ABCC5: variants seen among roughly 807,000 people sequenced by gnomAD.
ABCC5 encodes ATP binding cassette subfamily C member 5, also known as ATP-binding cassette sub-family C member 5.
In ABCC5, 61 loss-of-function variants were observed where a neutral mutation model predicts 160.9. The observed-to-expected ratio is 0.38, with a 90% CI of 0.31 to 0.47. ABCC5 has a LOEUF of 0.47. Among genes scored for constraint, ABCC5 ranks in the 20% least tolerant of loss-of-function variants. ABCC5 has a pLI of 0.99. For synonymous variants in ABCC5, 666 were observed against 700.6 expected (o/e 0.95, Z 0.78); for missense variants, 1,308 against 1,813.3 (o/e 0.72, Z 5.06).
intron 1 of ABCC5, among the ~76,000 whole-genome samples, chr3:184,016,345 C>A (rs1208484500): frequency 6.6e-6 from 1 of 152,158 alleles, no homozygotes; most frequent in Non-Finnish European, 1.5e-5. Flanking sequence ...GAGGCACAAT[C>A]AGGAGAGCAG....
intron 18 of ABCC5, among the ~76,000 whole-genome samples, chr3:183,952,865 G>GC (rs1406017458): frequency 6.6e-6 from 1 of 152,180 alleles, no homozygotes; most frequent in Admixed American, 6.5e-5. Flanking sequence ...CAGATAGCCT[G>GC]CAGGTGTCCT....
At chr3:184,008,036 C>G (rs1221610458) in intron 2 of ABCC5, among the ~76,000 whole-genome samples, 2 of 152,290 alleles carry the variant, frequency 1.3e-5, no homozygotes, top group East Asian at 3.9e-4. Context: ...ATACCTCCTC[C>G]TAAAGAGTTC....
chr3:183,920,286 A>G lies in ABCC5; in HGVS notation c.*1014T>C. 6.5e-6 allele frequency: 1 copy of G among 152,778 alleles called. No homozygotes were observed. Among genetic ancestry groups the G allele is most frequent in the Non-Finnish European group, 1.5e-5 (1 of 68,060 alleles). 9.5% of individuals were successfully genotyped at this position (152,778 alleles called of 1,614,324 possible). ...TGCGACGACTGCGGTGAGAAAGGAA[A>G]ACAGACCCACGAAATCCTGAGCCCT... is the stretch of plus-strand genomic sequence containing the variant. On this transcript the variant is annotated 3_prime_UTR_variant, in exon 30 of 30. Coordinates refer to ENST00000334444, the MANE Select transcript of ABCC5 (RefSeq NM_005688.4). The surrounding 1 kb of genome is among the most constrained non-coding windows in gnomAD (Gnocchi z 4.1).
At chr3:183,975,096 C>A (rs541640383) in intron 10 of ABCC5, among the ~76,000 whole-genome samples, 1 of 152,280 alleles carries the variant, frequency 6.6e-6, no homozygotes, top group South Asian at 2.1e-4. Flanking sequence ...GATGAGAGGG[C>A]AGATGCTTTT....
rs988190241 is a variant in ABCC5, at chr3:183,987,694, T to C, written c.591+76A>G. ...CTAGCCCAAAGCTGAGCACAACCTC[T>C]GCAACAGAATAAGAGTGTTAGAGCT... On this transcript the variant is annotated intron_variant, in intron 5 of 29. Transcript: ENST00000334444. The surrounding 1 kb of genome is among the most constrained non-coding windows in gnomAD (Gnocchi z 4.2). 1.2e-5 allele frequency: 19 copies of C among 1,596,328 alleles called. No individual in the cohort carries two copies. The highest frequency in any genetic ancestry group is 1.5e-5 in the Non-Finnish European group (18 of 1,168,714).
intron 2 of ABCC5, among the ~76,000 whole-genome samples, chr3:184,008,435 G>C (rs1483142337): frequency 6.6e-6 from 1 of 152,156 alleles, no homozygotes; most frequent in Non-Finnish European, 1.5e-5. Flanking sequence ...AGTAACGCCA[G>C]CCTAATGCCA....
At chr3:184,004,506 C>CAA (rs34319740) in intron 2 of ABCC5, among the ~76,000 whole-genome samples, 44 of 77,116 alleles carry the variant, frequency 5.7e-4, no homozygotes, top group African/African-American at 1.1e-3. Flanking sequence ...GACTCCGTCT[C>CAA]AAAAAAAAAA....
chr3:183,997,092 A>T (rs1018437427), intron 2 of ABCC5, among the ~76,000 whole-genome samples: 3 of 152,326 alleles, frequency 2.0e-5, no homozygotes, highest in Non-Finnish European at 4.4e-5. Flanking sequence ...AGAACTTTCA[A>T]ATGTTAACAT....
intron 11 of ABCC5, among the ~76,000 whole-genome samples, 158 bp downstream of exon 11, chr3:183,971,405 T>C (rs1196071684): frequency 1.3e-5 from 2 of 151,466 alleles, no homozygotes; most frequent in African/African-American, 4.9e-5. Flanking sequence ...GCTTAGTTGG[T>C]TTTTTTTTAG....
rs558222386 is a variant in ABCC5, at chr3:184,013,754, C to A, written c.129+510G>T. ...TAAAAGTGAAAAAGAGGAGAATGCT[C>A]AGAACAGACCGGGTGAGAGGGTGAC... On this transcript the variant is annotated intron_variant, in intron 2 of 29. Coordinates refer to ENST00000334444, the MANE Select transcript of ABCC5 (RefSeq NM_005688.4). Among the ~76,000 whole-genome samples the A allele has an allele frequency of 7.8e-4, 119 of 152,280 alleles. 1 individual carries two copies. Among genetic ancestry groups the A allele is most frequent in the African/African-American group, 2.8e-3 (116 of 41,552 alleles).
chr3:183,927,474 G>T, intron 27 of ABCC5, 31 bp from the exon 28 acceptor site: 4 of 1,590,534 alleles, frequency 2.5e-6, no homozygotes, highest in Non-Finnish European at 3.4e-6. Flanking sequence ...GATCAGAGGG[G>T]TAAGAAACTA....
chr3:183,939,532 G>A (rs1714084178), intron 25 of ABCC5, among the ~76,000 whole-genome samples: 1 of 152,204 alleles, frequency 6.6e-6, no homozygotes, highest in African/African-American at 2.4e-5. Flanking sequence ...TCATGTGCAT[G>A]TATTCTTGTT....
intron 2 of ABCC5, among the ~76,000 whole-genome samples, chr3:184,012,449 C>T (rs1426438224): frequency 6.6e-6 from 1 of 152,214 alleles, no homozygotes; most frequent in Non-Finnish European, 1.5e-5. Context: ...ATCTCATTTA[C>T]TCCTCAGTGA....
Position 183,951,387 on chromosome 3 carries a change from G to A in ABCC5, c.2944+54C>T, listed in dbSNP as rs865844825. The A allele has an allele frequency of 1.9e-6, 3 of 1,596,240 alleles. No homozygotes were observed. The highest frequency in any genetic ancestry group is 1.7e-4 in the Middle Eastern group (1 of 5,952). ...TGCACATTTGGAGAATCATCTAGAAGGCTGGAAGCACAGTGAGCTCCAGAG... is the reference window on the plus strand; with the variant it reads ...TGCACATTTGGAGAATCATCTAGAAAGCTGGAAGCACAGTGAGCTCCAGAG... On this transcript the variant is annotated intron_variant, in intron 20 of 29. Coordinates refer to ENST00000334444, the MANE Select transcript of ABCC5 (RefSeq NM_005688.4). The surrounding 1 kb of genome is among the most constrained non-coding windows in gnomAD (Gnocchi z 4.7).
Position 183,963,369 on chromosome 3 carries a change from GAAGA to G in ABCC5, c.2235+12_2235+15del, listed in dbSNP as rs769653227. On this transcript the variant is annotated intron_variant, in intron 15 of 29. Transcript: ENST00000334444. The surrounding 1 kb of genome is among the most constrained non-coding windows in gnomAD (Gnocchi z 4.6). ...CCCAAACTCAGGCAGGCAGCCGAGGGAAGAAAGAACCATACCTGTAACTGGTGGG... is the reference window on the plus strand; with the variant it reads ...CCCAAACTCAGGCAGGCAGCCGAGGGAAGAACCATACCTGTAACTGGTGGG... The G allele has an allele frequency of 1.2e-6, 2 of 1,614,022 alleles. No homozygotes were observed. The highest frequency in any genetic ancestry group is 1.1e-5 in the South Asian group (1 of 91,068).
At chr3:183,994,856 T>G (rs1004069653) in intron 2 of ABCC5, among the ~76,000 whole-genome samples, 3 of 118,466 alleles carry the variant, frequency 2.5e-5, no homozygotes, top group Non-Finnish European at 3.7e-5. Context: ...ATTTTCTATG[T>G]TTTTTTTTTT....
intron 17 of ABCC5, among the ~76,000 whole-genome samples, chr3:183,957,183 T>A (rs369328131): frequency 9.8e-6 from 1 of 102,464 alleles, no homozygotes. Context: ...TCCGTGTGTA[T>A]ATCACATCGG....
At chr3:183,984,991 A>C in intron 5 of ABCC5, 2 of 1,026,988 alleles carry the variant, frequency 1.9e-6, no homozygotes, top group Non-Finnish European at 2.9e-6. Flanking sequence ...CGCCTCCCAG[A>C]TGGGAGGAGC....
chr3:183,933,751 C>G (rs138976269), intron 26 of ABCC5, among the ~76,000 whole-genome samples: 133 of 152,318 alleles, frequency 8.7e-4, no homozygotes, highest in Admixed American at 1.8e-3. Flanking sequence ...CACAGAACAA[C>G]TCAACAATTT....
Sources: gnomAD v4.1 joint callset for allele counts (sites outside exome capture counted in the v4.1 genomes callset) on GRCh38, gnomAD v4.1.1 for gene constraint, Gnocchi (gnomAD v3.1) non-coding constraint, MANE v1.5 for transcripts, NCBI Gene and HGNC (gene_info 2026-07-23, HGNC 2026-07-21) for gene names.